The following RGS12 variants were observed in gnomAD, a reference collection of about 807,000 sequenced individuals.
RGS12 encodes regulator of G-protein signaling 12.
Under a neutral mutation model 120.1 loss-of-function variants are expected in RGS12, and 66 were observed. The observed-to-expected ratio is 0.55, with a 90% CI of 0.45 to 0.67. RGS12 has a LOEUF of 0.67. Ranked by LOEUF, RGS12 falls within the 30% of genes least tolerant of loss-of-function variation. The pLI, the probability that RGS12 is intolerant of heterozygous loss-of-function variation, is 0.00. For synonymous variants in RGS12, 827 were observed against 804.7 expected (o/e 1.03, Z -0.47); for missense variants, 1,859 against 1,957.7 (o/e 0.95, Z 0.95).
Position 3,431,939 on chromosome 4 carries a change from A to G in RGS12, c.4114+984A>G, listed in dbSNP as rs191552915. 130 of 985,454 alleles carry G rather than the reference A, an allele frequency of 1.3e-4. No homozygotes were observed. In the African/African-American group the frequency reaches 2.1e-3, roughly 16 times the overall value. 61.0% of individuals were successfully genotyped at this position (985,454 alleles called of 1,614,324 possible). ...GGAGTGCACGTCTGTAGATCTGTACATATCTGGGCCTTTGGAGGCCACGTG... is the reference window on the plus strand; with the variant it reads ...GGAGTGCACGTCTGTAGATCTGTACGTATCTGGGCCTTTGGAGGCCACGTG... On this transcript the variant is annotated intron_variant, in intron 17 of 17. Transcript: ENST00000336727.
rs376934506 is a variant in RGS12 at position 3,428,178 on chromosome 4, C to T, written c.3411+9C>T. On this transcript the variant is annotated intron_variant, in intron 15 of 17. Transcript: ENST00000336727. The stretch of plus-strand genomic sequence containing the variant: ...GAAACCACTCGGCTACGGTAATTCC[C>T]CACCCTGGCCCACCCTGTGCCCTGC... The T allele has an allele frequency of 3.8e-5, 61 of 1,609,366 alleles. No individual in the cohort carries two copies. The highest frequency in any genetic ancestry group is 1.6e-4 in the Middle Eastern group (1 of 6,078).
chr4:3,360,183 G>C lies in RGS12; in HGVS notation c.1998+17130G>C, dbSNP rs183909157. Among the ~76,000 whole-genome samples the C allele has an allele frequency of 7.2e-5, 11 of 152,288 alleles. No individual in the cohort carries two copies. In the East Asian group the frequency reaches 2.1e-3, roughly 29 times the overall value. ...TTCACAGTACTCCTCTATAATTCTT[G>C]CTATGTCTGTGGAATTGGTAATAAT... On this transcript the variant is annotated intron_variant, in intron 3 of 17. Transcript: ENST00000336727.
rs190950212 is a variant in RGS12, at chr4:3,304,201, T to A, written c.-102+11102T>A. Among the ~76,000 whole-genome samples the A allele has an allele frequency of 8.8e-4, 134 of 152,386 alleles. 1 individual carries two copies. The highest frequency in any genetic ancestry group is 2.5e-4 in the Non-Finnish European group (17 of 68,036). Reference sequence around the variant, plus strand: ...TTTATTAAAAACCCACGAAAAACTATGCATGATGACAAAATGCTGACCTGG... The same window carrying A: ...TTTATTAAAAACCCACGAAAAACTAAGCATGATGACAAAATGCTGACCTGG... On this transcript the variant is annotated intron_variant, in intron 1 of 17. Coordinates refer to ENST00000336727, the MANE Select transcript of RGS12 (RefSeq NM_001394154.1).
In RGS12 at chr4:3,430,728, G is replaced by A. The variant is rs1277916965; in HGVS notation, c.3887G>A (p.Ser1296Asn). ...ACCCCCCCCGGGCAGAAGTCTCCCAGCGGGCCCTTCTGCACTCCCCAGTCC... is the reference window on the plus strand; with the variant it reads ...ACCCCCCCCGGGCAGAAGTCTCCCAACGGGCCCTTCTGCACTCCCCAGTCC... Reference protein sequence around the residue: ...GTTPPGQKSPSGPFCTPQSPV... With the variant: ...GTTPPGQKSPNGPFCTPQSPV... The change falls in exon 17 of 18, where the codon AGC becomes AAC. Residue 1296 changes from serine (S) to asparagine (N), a missense_variant. By Grantham distance (46) the Ser-to-Asn change is conservative (BLOSUM62 1). Transcript: ENST00000336727. 6.3e-7 allele frequency: 1 copy of A among 1,595,954 alleles called. No homozygotes were observed. The highest frequency in any genetic ancestry group is 1.1e-5 in the South Asian group (1 of 88,388).
chr4:3,383,016 G>A (rs1270471814), intron 3 of RGS12, among the ~76,000 whole-genome samples: 1 of 152,020 alleles, frequency 6.6e-6, no homozygotes, highest in African/African-American at 2.4e-5. Context: ...ATTCGAGTGG[G>A]CTCACTATCT....
intron 4 of RGS12, among the ~76,000 whole-genome samples, chr4:3,396,034 G>A (rs1395064524): frequency 6.6e-6 from 1 of 152,020 alleles, no homozygotes; most frequent in Non-Finnish European, 1.5e-5. Context: ...GTAAACAGTT[G>A]TTATACTATA....
chr4:3,344,028 G>A (rs999951408), intron 3 of RGS12, among the ~76,000 whole-genome samples: 3 of 152,130 alleles, frequency 2.0e-5, no homozygotes, highest in Admixed American at 6.5e-5. Context: ...CTGCCCTTAC[G>A]GCATTCTTGT....
chr4:3,430,412 T>C lies in RGS12; in HGVS notation c.3571T>C (p.Phe1191Leu). The C allele has an allele frequency of 3.1e-6, 5 of 1,608,372 alleles. No individual in the cohort carries two copies. The highest frequency in any genetic ancestry group is 4.2e-6 in the Non-Finnish European group (5 of 1,176,672). ...KINLDEAEEF[F>L]ELISKAQSNR... ...TCTGGGTTTTCTTCCAATAGAGTTT[T>C]TTGAGCTTATTTCCAAAGCTCAGAG... is the stretch of plus-strand genomic sequence containing the variant. Residue 1191 changes from phenylalanine (F) to leucine (L), a missense_variant, in exon 17 of 18, where the codon TTT becomes CTT. This residue lies in a region of RGS12 where 517 missense variants were observed against 488.5 expected (regional missense o/e 1.06). Transcript: ENST00000336727.
At position 3,417,436 on chromosome 4, in the gene RGS12, G is replaced by T. The variant is rs775752951; in HGVS notation, c.2656G>T (p.Asp886Tyr). ...SGRSLNEELG[D>Y]EDSEKKRKGA... ...CCGATCCCTGAATGAAGAGCTGGGG[G>T]ATGAGGACAGCGAGAAGAAGCGGAA... Residue 886 changes from aspartate to tyrosine, a missense_variant, in exon 9 of 18, where the codon GAT becomes TAT. Asp to Tyr is a radical substitution (Grantham distance 160). Around this residue, in one of 3 missense-constraint regions of RGS12, gnomAD observed 375 missense variants for 475.0 expected, o/e 0.79. Coordinates refer to ENST00000336727, the MANE Select transcript of RGS12 (RefSeq NM_001394154.1). 2 of 1,607,178 alleles carry T rather than the reference G, an allele frequency of 1.2e-6. No homozygotes were observed. The highest frequency in any genetic ancestry group is 1.7e-6 in the Non-Finnish European group (2 of 1,175,322).
At position 3,424,646 on chromosome 4, in the gene RGS12, C is replaced by T. The variant is rs116388272; in HGVS notation, c.3235-818C>T. Among the ~76,000 whole-genome samples, 1,227 of 152,330 alleles carry T rather than the reference C, an allele frequency of 8.1e-3. 21 individuals carry two copies. The highest frequency in any genetic ancestry group is 0.028 in the African/African-American group (1,169 of 41,570). On this transcript the variant is annotated intron_variant, in intron 13 of 17. Transcript: ENST00000336727. ...TGGAAGGGCTGGCTGCGGTCAGGCT[C>T]GTTCCCTGTGAGCTGCGGCCCTCGG...
intron 2 of RGS12, among the ~76,000 whole-genome samples, chr4:3,323,722 G>A (rs776373976): frequency 7.9e-5 from 12 of 152,124 alleles, no homozygotes; most frequent in Non-Finnish European, 1.6e-4. Flanking sequence ...TTCTATCTTT[G>A]TATATATGTG....
chr4:3,353,200 G>A (rs554145087), intron 3 of RGS12, among the ~76,000 whole-genome samples: 2 of 152,334 alleles, frequency 1.3e-5, no homozygotes, highest in South Asian at 4.1e-4. Context: ...TTGCTGGAGG[G>A]TGGGAGGGTT....
chr4:3,323,912 C>T (rs1437223010), intron 2 of RGS12: 3 of 149,258 alleles, frequency 2.0e-5, no homozygotes, highest in African/African-American at 7.5e-5. Flanking sequence ...AGAGAGAATG[C>T]CCCCTTTTTT....
chr4:3,288,528 AC>A (rs1340367000), upstream of RGS12, among the ~76,000 whole-genome samples: 3 of 152,090 alleles, frequency 2.0e-5, no homozygotes, highest in South Asian at 2.1e-4. The surrounding 1 kb of genome is among the most constrained non-coding windows in gnomAD (Gnocchi z 5.2). Context: ...TCAAGCTCTG[AC>A]GAACCCCAAC....
chr4:3,362,703 G>A (rs1190489163), intron 3 of RGS12, among the ~76,000 whole-genome samples: 1 of 147,244 alleles, frequency 6.8e-6, no homozygotes, highest in Non-Finnish European at 1.5e-5. Context: ...GAGGGTGTGT[G>A]TGAGGCTGTG....
intron 3 of RGS12, among the ~76,000 whole-genome samples, chr4:3,358,865 C>G (rs563485608): frequency 6.9e-6 from 1 of 144,268 alleles, no homozygotes; most frequent in Non-Finnish European, 1.5e-5. Context: ...TCCCCTCCTC[C>G]GCCTCCCCCT....
intron 1 of RGS12, among the ~76,000 whole-genome samples, chr4:3,304,994 CATG>C (rs1224508633): frequency 6.6e-6 from 1 of 152,222 alleles, no homozygotes; most frequent in Non-Finnish European, 1.5e-5. Flanking sequence ...CATGCACACT[CATG>C]AGGCTGCTGG....
rs557393742 is a variant in RGS12 at position 3,416,236 on chromosome 4, C to T, written c.2427+115C>T. ...GCCAGTGGATCGAGAGCATCACAGA[C>T]GCAGGTAGAGAAACGCAGACAGAAA... On this transcript the variant is annotated intron_variant, in intron 7 of 17. Transcript: ENST00000336727. The T allele has an allele frequency of 6.6e-5, 80 of 1,216,966 alleles. No individual in the cohort carries two copies. The Middle Eastern group carries it at 7.8e-4, about 12-fold the overall frequency. 75.4% of individuals were successfully genotyped at this position (1,216,966 alleles called of 1,614,324 possible).
chr4:3,381,216 G>A (rs1009690465), intron 3 of RGS12, among the ~76,000 whole-genome samples: 13 of 152,104 alleles, frequency 8.5e-5, no homozygotes, highest in East Asian at 3.8e-4. Flanking sequence ...CCTGGACTTC[G>A]TTGTCCATAT....
Sources: gnomAD v4.1 joint callset for allele counts (sites outside exome capture counted in the v4.1 genomes callset) on GRCh38, gnomAD v4.1.1 for gene constraint, gnomAD v4.1.1 regional missense constraint, Gnocchi (gnomAD v3.1) non-coding constraint, MANE v1.5 for transcripts, NCBI Gene and HGNC (gene_info 2026-07-23, HGNC 2026-07-21) for gene names.